Variants in SZT2 observed in about 807,000 individuals in gnomAD.
SZT2 encodes KICSTOR complex protein SZT2.
In SZT2, 216 loss-of-function variants were observed where a neutral mutation model predicts 404.2. The ratio of observed to expected loss-of-function variants is 0.53; its 90% CI spans 0.48 to 0.60. The LOEUF is 0.60. Ranked by LOEUF, SZT2 falls within the 20% of genes least tolerant of loss-of-function variation. The pLI is 0.00. For missense variants in SZT2, 3,857 were observed against 4,459.2 expected (o/e 0.86, Z 3.85); for synonymous variants, 1,693 against 1,749.9 (o/e 0.97, Z 0.81).
Position 43,426,322 on chromosome 1 carries a change from G to C in SZT2, c.3044-46G>C. 1.3e-6 allele frequency: 2 copies of C among 1,511,106 alleles called. No homozygotes were observed. The highest frequency in any genetic ancestry group is 2.5e-5 in the South Asian group (2 of 80,846). The allele number at this position is 1,511,106 out of a possible 1,614,324, so 93.6% of individuals were successfully genotyped here. On this transcript the variant is annotated intron_variant, in intron 21 of 71. Transcript: ENST00000634258. This position sits in a 1 kb window ranked among gnomAD's most constrained non-coding sequence, Gnocchi z 4.9. ...TGGTCAGGGCTGAGCCGGGGGCACC[G>C]GGCAGCAGGAGGCTCTTGGTGCTGA...
At chr1:43,406,508 A>G (rs1287195010) in intron 4 of SZT2, 2 of 159,348 alleles carry the variant, frequency 1.3e-5, no homozygotes, top group African/African-American at 4.8e-5. Context: ...ACATGGTACT[A>G]TGAACCTGTA....
rs774930343 is a variant in SZT2 at position 43,451,838 on chromosome 1, A to T, written c.*1358A>T. On this transcript the variant is annotated 3_prime_UTR_variant, in exon 72 of 72. Coordinates refer to ENST00000634258, the MANE Select transcript of SZT2 (RefSeq NM_001365999.1). ...GTTGGGTCTTCCTACCTTCTGTAAG[A>T]TGGCTGCCGCTGTAAGAGAAGCCAG... is the stretch of plus-strand genomic sequence containing the variant. 1.2e-6 allele frequency: 2 copies of T among 1,614,036 alleles called. No homozygotes were observed. The highest frequency in any genetic ancestry group is 1.7e-6 in the Non-Finnish European group (2 of 1,179,966).
In SZT2 at chr1:43,429,802, G is replaced by C; in HGVS notation, c.4266G>C (p.Gln1422His). ...GPEISLTDVC[Q>H]LRGEAHGALH... ...AGATCTCTCTGACAGATGTCTGCCA[G>C]CTCAGAGGAGAGGCCCATGGTGCCC... is the stretch of plus-strand genomic sequence containing the variant. Residue 1422 changes from glutamine (Q) to histidine (H), a missense_variant, in exon 29 of 72, where the codon CAG (glutamine) becomes CAC (histidine). Physicochemically the swap from Gln to His is conservative, Grantham distance 24. This residue lies in a region of SZT2 where 1,725 missense variants were observed against 1,881.0 expected (regional missense o/e 0.92). Transcript: ENST00000634258. The C allele has an allele frequency of 6.2e-7, 1 of 1,614,222 alleles. No homozygotes were observed. The highest frequency in any genetic ancestry group is 8.5e-7 in the Non-Finnish European group (1 of 1,180,040).
Position 43,422,205 on chromosome 1 carries a change from G to C in SZT2, c.1749G>C (p.Val583=). The change falls in exon 12 of 72, where the codon GTG becomes GTC. Residue 583 remains valine, a synonymous_variant. Coordinates refer to ENST00000634258, the MANE Select transcript of SZT2 (RefSeq NM_001365999.1). ...GATGGCTGCACATGCATCGCCTGGT[G>C]CTAATCCTGGAGCATGACACGTGGG... ...WQRWLHMHRL[V]LILEHDTPIP... is the part of the protein sequence containing the mutation. The C allele has an allele frequency of 6.3e-7, 1 of 1,589,670 alleles. No homozygotes were observed. The highest frequency in any genetic ancestry group is 8.5e-7 in the Non-Finnish European group (1 of 1,173,304).
intron 62 of SZT2, among the ~76,000 whole-genome samples, chr1:43,444,480 C>T (rs770388354): frequency 5.9e-5 from 9 of 152,140 alleles, no homozygotes; most frequent in Non-Finnish European, 1.2e-4. Context: ...ACTGACCTCT[C>T]CTGAGATTTG....
chr1:43,443,984 C>T (rs1295658121), intron 62 of SZT2, among the ~76,000 whole-genome samples, 188 bp downstream of exon 62: 1 of 152,222 alleles, frequency 6.6e-6, no homozygotes, highest in African/African-American at 2.4e-5. Flanking sequence ...GCGTGTCCTG[C>T]AGACCTTGTA....
At chr1:43,397,425 CAAAAA>C (rs1242693700) in intron 1 of SZT2, among the ~76,000 whole-genome samples, 1 of 124,222 alleles carries the variant, frequency 8.1e-6, no homozygotes, top group Non-Finnish European at 1.7e-5. Flanking sequence ...GACTCCATTT[CAAAAA>C]AAAAAAAAGA....
At chr1:43,430,171 C>G in intron 30 of SZT2, 68 bp downstream of exon 30, 1 of 1,594,320 alleles carries the variant, frequency 6.3e-7, no homozygotes, top group South Asian at 1.1e-5. Flanking sequence ...CCTCTTGAGT[C>G]TTGGTTCCCT....
At chr1:43,411,229 T>C (rs914380356) in intron 4 of SZT2, among the ~76,000 whole-genome samples, 1 of 152,220 alleles carries the variant, frequency 6.6e-6, no homozygotes, top group African/African-American at 2.4e-5. Context: ...TCTGTCTTCA[T>C]GGAGGGCACT....
Position 43,426,096 on chromosome 1 carries a change from G to T in SZT2, c.2988G>T (p.Met996Ile), listed in dbSNP as rs1653112312. 2 of 1,614,124 alleles carry T rather than the reference G, an allele frequency of 1.2e-6. No homozygotes were observed. Among genetic ancestry groups the T allele is most frequent in the Non-Finnish European group, 1.7e-6 (2 of 1,180,024 alleles). Residue 996 changes from methionine (M) to isoleucine (I), a missense_variant, in exon 21 of 72, where the codon ATG becomes ATT. Physicochemically the swap from Met to Ile is conservative, Grantham distance 10. This residue lies in a region of SZT2 where 1,725 missense variants were observed against 1,881.0 expected (regional missense o/e 0.92). Coordinates refer to ENST00000634258, the MANE Select transcript of SZT2 (RefSeq NM_001365999.1). The surrounding 1 kb of genome is among the most constrained non-coding windows in gnomAD (Gnocchi z 4.9). ...AGATCCCTTTCCATTTTGACCTAATGGGATTGCTGCCACAGTGCCAGCAGC... is the reference window on the plus strand; with the variant it reads ...AGATCCCTTTCCATTTTGACCTAATTGGATTGCTGCCACAGTGCCAGCAGC... ...VHEIPFHFDL[M>I]GLLPQCQQLQ...
rs778445515 is a variant in SZT2, at chr1:43,450,350, T to C, written c.10169T>C (p.Val3390Ala). The C allele has an allele frequency of 6.2e-7, 1 of 1,613,836 alleles. No homozygotes were observed. Among genetic ancestry groups the C allele is most frequent in the Non-Finnish European group, 8.5e-7 (1 of 1,179,920 alleles). ...TGTTCCCCACAGTCTCTGACAGTGG[T>C]TTTCCGAGAGCCCTTCCCAGTACAG... is the stretch of plus-strand genomic sequence containing the variant. ...SHLGKTSLTV[V>A]FREPFPVQPQ... The change falls in exon 72 of 72, where the codon GTT becomes GCT. Residue 3390 changes from valine to alanine, a missense_variant. Transcript: ENST00000634258. This position sits in a 1 kb window ranked among gnomAD's most constrained non-coding sequence, Gnocchi z 4.3.
chr1:43,409,552 A>G, intron 4 of SZT2: 1 of 324,262 alleles, frequency 3.1e-6, no homozygotes, highest in East Asian at 9.0e-5. Context: ...ATTAGAACTG[A>G]TAAACAAATT....
intron 25 of SZT2, 22 bp downstream of exon 25, chr1:43,427,467 G>A: frequency 3.1e-6 from 5 of 1,611,942 alleles, no homozygotes; most frequent in Non-Finnish European, 4.2e-6. Context: ...GACTCAAGGT[G>A]GGCAGGAGTG....
In SZT2 at chr1:43,451,795, TA is replaced by T; in HGVS notation, c.*1316del. 2 of 1,614,094 alleles carry T rather than the reference TA, an allele frequency of 1.2e-6. No individual in the cohort carries two copies. The highest frequency in any genetic ancestry group is 1.7e-6 in the Non-Finnish European group (2 of 1,179,992). On this transcript the variant is annotated 3_prime_UTR_variant, in exon 72 of 72. Coordinates refer to ENST00000634258, the MANE Select transcript of SZT2 (RefSeq NM_001365999.1). ...GATCTGCGAAGTACCCCCTTCCACT[TA>T]CCATTTGTAATTGGAGGTTGGGTCT... is the stretch of plus-strand genomic sequence containing the variant.
intron 5 of SZT2, 106 bp downstream of exon 5, chr1:43,415,319 C>A: frequency 7.1e-7 from 1 of 1,417,398 alleles, no homozygotes; most frequent in Non-Finnish European, 9.5e-7. Flanking sequence ...GGGCTAAGAG[C>A]TGGGGCAAAA....
At position 43,439,032 on chromosome 1, in the gene SZT2, A is replaced by C; in HGVS notation, c.6731A>C (p.Asn2244Thr). ...LPALAWYLRQ[N>T]LLIFLHSPKY... ...GCCCTGGCATGGTACCTACGGCAGA[A>C]CTTGCTCATCTTCCTGCACTCTCCC... is the stretch of plus-strand genomic sequence containing the variant. Residue 2244 changes from asparagine to threonine, a missense_variant, in exon 48 of 72, where the codon AAC becomes ACC. By Grantham distance (65) the Asn-to-Thr change is moderately conservative. Transcript: ENST00000634258. This position sits in a 1 kb window ranked among gnomAD's most constrained non-coding sequence, Gnocchi z 4.2. The C allele has an allele frequency of 6.2e-7, 1 of 1,614,198 alleles. No individual in the cohort carries two copies. The highest frequency in any genetic ancestry group is 8.5e-7 in the Non-Finnish European group (1 of 1,180,030).
At chr1:43,443,302 C>T (rs1255605409) in intron 60 of SZT2, 35 bp downstream of exon 60, 2 of 1,614,064 alleles carry the variant, frequency 1.2e-6, no homozygotes, top group Non-Finnish European at 1.7e-6. Flanking sequence ...CCTTGAGTAT[C>T]TGTGATCCTG....
At chr1:43,445,798 C>G (rs753848254) in intron 62 of SZT2, 96 bp from the exon 63 acceptor site, 1 of 1,267,080 alleles carries the variant, frequency 7.9e-7, no homozygotes, top group South Asian at 1.2e-5. Flanking sequence ...TCCTCCCTTG[C>G]AAAATGATTC....
At chr1:43,406,278 G>T (rs1650304378) in intron 4 of SZT2, 3 of 319,472 alleles carry the variant, frequency 9.4e-6, no homozygotes, top group South Asian at 2.3e-5. Context: ...TGTTTTTTTT[G>T]GTAGAGACAG....
Sources: gnomAD v4.1 joint callset for allele counts (sites outside exome capture counted in the v4.1 genomes callset) on GRCh38, gnomAD v4.1.1 for gene constraint, gnomAD v4.1.1 regional missense constraint, Gnocchi (gnomAD v3.1) non-coding constraint, MANE v1.5 for transcripts, NCBI Gene and HGNC (gene_info 2026-07-23, HGNC 2026-07-21) for gene names.